Variants in PDE4B observed in about 807,000 individuals in gnomAD.
PDE4B encodes the protein 3',5'-cyclic-AMP phosphodiesterase 4B.
Under a neutral mutation model 82.2 loss-of-function variants are expected in PDE4B, and 20 were observed. The observed-to-expected ratio is 0.24, with a 90% CI of 0.17 to 0.35. The LOEUF (loss-of-function observed/expected upper bound fraction) is 0.35. Ranked by LOEUF, PDE4B falls within the 10% of genes least tolerant of loss-of-function variation. The probability of loss-of-function intolerance (pLI) is 1.00; values close to 1 mark genes in which losing one functional copy is unlikely to be tolerated. For synonymous variants in PDE4B, 320 were observed against 318.9 expected (o/e 1.00, Z -0.04); for missense variants, 655 against 907.2 (o/e 0.72, Z 3.57).
At chr1:66,203,423 G>A (rs377611965) in intron 3 of PDE4B, among the ~76,000 whole-genome samples, 87 of 152,240 alleles carry the variant, frequency 5.7e-4, no homozygotes, top group Admixed American at 2.7e-3. Flanking sequence ...GTTCTCCTGG[G>A]TAATATCCTG....
At chr1:65,988,867 T>C (rs1651094718) in intron 3 of PDE4B, among the ~76,000 whole-genome samples, 1 of 152,156 alleles carries the variant, frequency 6.6e-6, no homozygotes, top group African/African-American at 2.4e-5. Flanking sequence ...CCAGGTCAAC[T>C]TTTAAAGTTT....
In PDE4B at chr1:66,317,058, T is replaced by C. The variant is rs145311549; in HGVS notation, c.635-15450T>C. On this transcript the variant is annotated intron_variant, in intron 7 of 16. Coordinates refer to ENST00000341517, the MANE Select transcript of PDE4B (RefSeq NM_002600.4). ...GCTACTGTGTGGAGTTGGGTTGCCA[T>C]GAAACCTGAGGCCTAATTTTATATT... Among the ~76,000 whole-genome samples the C allele has an allele frequency of 2.0e-4, 30 of 152,336 alleles. No individual in the cohort carries two copies. In the East Asian group the frequency reaches 5.4e-3, roughly 27 times the overall value.
rs147870254 is a variant in PDE4B at position 66,138,283 on chromosome 1, C to T, written c.282-109177C>T. Among the ~76,000 whole-genome samples, 190 of 152,262 alleles carry T rather than the reference C, an allele frequency of 1.2e-3. 2 individuals are homozygous for T. The highest frequency in any genetic ancestry group is 4.0e-3 in the African/African-American group (165 of 41,542). On this transcript the variant is annotated intron_variant, in intron 3 of 16. Coordinates refer to ENST00000341517, the MANE Select transcript of PDE4B (RefSeq NM_002600.4). ...CCTGTAATCCCAACACTTTGGGAGG[C>T]CAAGGTGGTTGGATCACCTGAGATC... is the stretch of plus-strand genomic sequence containing the variant.
intron 6 of PDE4B, among the ~76,000 whole-genome samples, chr1:66,263,535 C>T (rs1654832189): frequency 6.6e-6 from 1 of 152,166 alleles, no homozygotes; most frequent in Admixed American, 6.5e-5. Context: ...TTTTGGAGTT[C>T]CTACTATTTG....
intron 3 of PDE4B, among the ~76,000 whole-genome samples, chr1:65,995,861 T>G (rs1323723832): frequency 2.0e-5 from 3 of 152,168 alleles, no homozygotes; most frequent in Admixed American, 2.0e-4. Context: ...GCATTGAAAT[T>G]AAAGTAATTT....
chr1:66,177,956 C>A (rs1646969210), intron 3 of PDE4B, among the ~76,000 whole-genome samples: 1 of 150,552 alleles, frequency 6.6e-6, no homozygotes, highest in African/African-American at 2.4e-5. Flanking sequence ...ATACAAAGGA[C>A]CAAGTGTTAG....
chr1:66,341,196 T>G (rs1315092557), intron 8 of PDE4B, among the ~76,000 whole-genome samples: 4 of 152,206 alleles, frequency 2.6e-5, no homozygotes, highest in Non-Finnish European at 5.9e-5. Context: ...TTGTAAAATA[T>G]AGAGCACATT....
chr1:66,187,532 A>G (rs1314618612), intron 3 of PDE4B, among the ~76,000 whole-genome samples: 1 of 152,220 alleles, frequency 6.6e-6, no homozygotes, highest in East Asian at 1.9e-4. Flanking sequence ...GTCTATTCAA[A>G]GATTTAACTT....
intron 3 of PDE4B, among the ~76,000 whole-genome samples, chr1:66,162,298 G>C (rs926752876): frequency 2.7e-4 from 33 of 120,228 alleles, no homozygotes; most frequent in African/African-American, 8.8e-4. Flanking sequence ...AAGGTTCATG[G>C]ACTTCTCTTT....
chr1:65,883,996 A>G (rs926342030), intron 1 of PDE4B, among the ~76,000 whole-genome samples: 3 of 152,146 alleles, frequency 2.0e-5, no homozygotes, highest in African/African-American at 7.2e-5. Context: ...CTTGCATCCC[A>G]GGGATGAAGC....
rs188174802 is a variant in PDE4B at position 66,153,044 on chromosome 1, G to A, written c.282-94416G>A. Among the ~76,000 whole-genome samples the A allele has an allele frequency of 1.6e-4, 25 of 152,242 alleles. 1 individual carries two copies. In the East Asian group the frequency reaches 4.8e-3, roughly 29 times the overall value. On this transcript the variant is annotated intron_variant, in intron 3 of 16. Coordinates refer to ENST00000341517, the MANE Select transcript of PDE4B (RefSeq NM_002600.4). Reference sequence around the variant, plus strand: ...TTTGATTAAATAAGTGAGTACTATAGCCTAGCCAAGTTGATACATAGAACT... The same window carrying A: ...TTTGATTAAATAAGTGAGTACTATAACCTAGCCAAGTTGATACATAGAACT...
chr1:66,105,807 T>C (rs1184088537), intron 3 of PDE4B, among the ~76,000 whole-genome samples: 3 of 152,030 alleles, frequency 2.0e-5, no homozygotes, highest in Admixed American at 6.6e-5. Context: ...GAGACTTTGC[T>C]GAAGTTGCTT....
chr1:65,933,276 G>A (rs1260310875), intron 3 of PDE4B, among the ~76,000 whole-genome samples: 1 of 151,964 alleles, frequency 6.6e-6, no homozygotes, highest in African/African-American at 2.4e-5. Flanking sequence ...AGAAAACCTT[G>A]CAGGCCAGAA....
intron 1 of PDE4B, among the ~76,000 whole-genome samples, chr1:65,796,959 T>C (rs1317509569): frequency 6.7e-6 from 1 of 148,160 alleles, no homozygotes; most frequent in Non-Finnish European, 1.5e-5. Context: ...TGAAACATTT[T>C]TTTTTTTTTT....
intron 8 of PDE4B, among the ~76,000 whole-genome samples, chr1:66,333,983 A>G (rs1322848838): frequency 6.6e-6 from 1 of 152,170 alleles, no homozygotes; most frequent in Non-Finnish European, 1.5e-5. Context: ...GCTGGGGTAA[A>G]ACTCAACCAA....
intron 3 of PDE4B, among the ~76,000 whole-genome samples, chr1:65,921,118 G>A (rs1647234386): frequency 6.6e-6 from 1 of 150,714 alleles, no homozygotes; most frequent in Non-Finnish European, 1.5e-5. Context: ...ACAGGCGCCT[G>A]CCACTACGCC....
At chr1:66,154,578 G>A (rs1183799083) in intron 3 of PDE4B, among the ~76,000 whole-genome samples, 2 of 152,176 alleles carry the variant, frequency 1.3e-5, no homozygotes, top group Non-Finnish European at 2.9e-5. Flanking sequence ...TAAACATGCT[G>A]TTTTCTTTTG....
At chr1:65,795,291 G>A (rs1645619544) in intron 1 of PDE4B, among the ~76,000 whole-genome samples, 1 of 152,234 alleles carries the variant, frequency 6.6e-6, no homozygotes, top group African/African-American at 2.4e-5. Flanking sequence ...GGTATATGAA[G>A]AGGTCTTCAG....
chr1:66,352,659 A>G (rs1359708347), intron 8 of PDE4B, among the ~76,000 whole-genome samples: 1 of 152,222 alleles, frequency 6.6e-6, no homozygotes, highest in East Asian at 1.9e-4. Flanking sequence ...TAATATATCT[A>G]TTCCTACTAG....
Sources: gnomAD v4.1 joint callset for allele counts (sites outside exome capture counted in the v4.1 genomes callset) on GRCh38, gnomAD v4.1.1 for gene constraint, MANE v1.5 for transcripts, NCBI Gene and HGNC (gene_info 2026-07-23, HGNC 2026-07-21) for gene names.